Variants in ST3GAL1 observed in about 807,000 individuals in gnomAD.
The protein encoded by ST3GAL1 is CMP-N-acetylneuraminate-beta-galactosamide-alpha-2,3-sialyltransferase 1.
Under a neutral mutation model 34.1 loss-of-function variants are expected in ST3GAL1, and 16 were observed. The observed-to-expected ratio is 0.47, with a 90% CI of 0.32 to 0.71. The LOEUF is 0.71. Ranked by LOEUF, ST3GAL1 falls within the 30% of genes least tolerant of loss-of-function variation. The probability of loss-of-function intolerance (pLI) is 0.04; values close to 1 mark genes in which losing one functional copy is unlikely to be tolerated. For synonymous variants in ST3GAL1, 191 were observed against 184.7 expected, an observed-to-expected ratio of 1.03 and a Z score of -0.28; for missense variants, 353 against 447.4, an observed-to-expected ratio of 0.79 and a Z score of 1.90.
chr8:133,460,041 C>G (rs550187358), intron 9 of ST3GAL1, 104 bp from the exon 10 acceptor site: 1 of 1,274,750 alleles, frequency 7.8e-7, no homozygotes, highest in Non-Finnish European at 1.1e-6. Flanking sequence ...GGACCATAAA[C>G]AGCATTTCCA....
At chr8:133,569,776 G>A (rs906002782) in intron 1 of ST3GAL1, among the ~76,000 whole-genome samples, 1 of 152,102 alleles carries the variant, frequency 6.6e-6, no homozygotes, top group Non-Finnish European at 1.5e-5. Context: ...AGTTTCCACA[G>A]CAGCCGGCAG....
At chr8:133,532,015 C>T (rs1201515092) in intron 2 of ST3GAL1, among the ~76,000 whole-genome samples, 1 of 152,080 alleles carries the variant, frequency 6.6e-6, no homozygotes, top group Non-Finnish European at 1.5e-5. Flanking sequence ...TCCCCAGAGA[C>T]AAATGACATC....
intron 2 of ST3GAL1, among the ~76,000 whole-genome samples, chr8:133,530,265 C>CA (rs1554617719): frequency 1.1e-4 from 16 of 140,748 alleles, no homozygotes; most frequent in Non-Finnish European, 2.3e-4. Context: ...CTGAGGCCTT[C>CA]TTTTTTTTTT....
At chr8:133,533,876 T>C (rs1266906172) in intron 2 of ST3GAL1, among the ~76,000 whole-genome samples, 1 of 152,330 alleles carries the variant, frequency 6.6e-6, no homozygotes, top group South Asian at 2.1e-4. Flanking sequence ...ATAATGATGA[T>C]GATGACATAC....
chr8:133,548,937 GAGAATCCATC>G, intron 1 of ST3GAL1, among the ~76,000 whole-genome samples: 1 of 152,354 alleles, frequency 6.6e-6, no homozygotes, highest in South Asian at 2.1e-4. Flanking sequence ...ATCAATCTCA[GAGAATCCATC>G]AGGATGTGGC....
intron 1 of ST3GAL1, among the ~76,000 whole-genome samples, chr8:133,547,795 G>T (rs999655768): frequency 6.6e-6 from 1 of 152,196 alleles, no homozygotes; most frequent in African/African-American, 2.4e-5. Context: ...CGCTGGCAAT[G>T]GTGATACATG....
chr8:133,480,805 TTTCTGATAAC>T (rs1415428791), intron 3 of ST3GAL1, among the ~76,000 whole-genome samples: 5 of 152,348 alleles, frequency 3.3e-5, no homozygotes, highest in African/African-American at 9.6e-5. Flanking sequence ...CCCCATTCCC[TTTCTGATAAC>T]TTCTTTGGAC....
intron 5 of ST3GAL1, among the ~76,000 whole-genome samples, chr8:133,474,588 C>T (rs1396090015): frequency 1.3e-5 from 2 of 152,166 alleles, no homozygotes; most frequent in Middle Eastern, 3.2e-3. Flanking sequence ...TCTCAGGCCT[C>T]GTCTCACTGC....
intron 2 of ST3GAL1, among the ~76,000 whole-genome samples, chr8:133,517,336 CTTTTTTAT>C (rs1285834292): frequency 1.3e-5 from 2 of 152,124 alleles, no homozygotes; most frequent in Non-Finnish European, 2.9e-5. Context: ...CAGTCTTGCA[CTTTTTTAT>C]TTTTTTATTT....
chr8:133,524,855 G>A lies in ST3GAL1; in HGVS notation c.-429+20919C>T, dbSNP rs183669891. ...ATCTAGAAATGTTCTAGGAGAACAC[G>A]GTGGCACCCGGAAGCTTGGAGACAC... On this transcript the variant is annotated intron_variant, in intron 2 of 9. Transcript: ENST00000522652. 2.3e-3 allele frequency among the ~76,000 whole-genome samples: 358 copies of A among 152,362 alleles called. 4 individuals carry two copies. Among genetic ancestry groups the A allele is most frequent in the Non-Finnish European group, 1.5e-3 (100 of 68,044 alleles).
intron 2 of ST3GAL1, among the ~76,000 whole-genome samples, chr8:133,541,515 C>T (rs892898606): frequency 1.3e-5 from 2 of 151,640 alleles, no homozygotes; most frequent in Non-Finnish European, 2.9e-5. Context: ...CCACCACGTG[C>T]GTCTACACAC....
chr8:133,520,773 G>GTTT (rs34241731), intron 2 of ST3GAL1, among the ~76,000 whole-genome samples: 6 of 130,880 alleles, frequency 4.6e-5, no homozygotes, highest in Non-Finnish European at 6.4e-5. Context: ...TTTTTTGTGG[G>GTTT]TTTTTTTTTT....
chr8:133,544,928 A>T (rs1818636108), intron 2 of ST3GAL1, among the ~76,000 whole-genome samples: 1 of 152,224 alleles, frequency 6.6e-6, no homozygotes, highest in Admixed American at 6.5e-5. Context: ...CAGTGATGGC[A>T]ATCATGCCCA....
At chr8:133,540,722 T>C (rs1269639562) in intron 2 of ST3GAL1, among the ~76,000 whole-genome samples, 1 of 99,554 alleles carries the variant, frequency 1.0e-5, no homozygotes, top group South Asian at 4.0e-4. Context: ...CATATATATA[T>C]ATAGACATAT....
intron 2 of ST3GAL1, among the ~76,000 whole-genome samples, chr8:133,529,810 G>A (rs1818090744): frequency 6.6e-6 from 1 of 151,988 alleles, no homozygotes; most frequent in Non-Finnish European, 1.5e-5. Flanking sequence ...CCCATTTGAG[G>A]GCTGTCCCCC....
intron 7 of ST3GAL1, 69 bp from the exon 8 acceptor site, chr8:133,463,528 C>G: frequency 6.5e-7 from 1 of 1,543,630 alleles, no homozygotes. Context: ...GCATGCAGCT[C>G]TGGGGGTAGT....
chr8:133,473,810 T>C (rs944132789), intron 5 of ST3GAL1, among the ~76,000 whole-genome samples: 2 of 152,180 alleles, frequency 1.3e-5, no homozygotes, highest in Non-Finnish European at 1.5e-5. Context: ...CTGCTAAACA[T>C]CCTGCAATGC....
intron 2 of ST3GAL1, among the ~76,000 whole-genome samples, chr8:133,504,559 T>C (rs1347989375): frequency 6.6e-6 from 1 of 152,130 alleles, no homozygotes. Context: ...TCTGGTTTGG[T>C]TTTTTGAGTC....
intron 1 of ST3GAL1, among the ~76,000 whole-genome samples, chr8:133,562,821 CCTTCCTTCCTTCCTTCCTTCCTTT>C (rs1819275633): frequency 1.8e-5 from 2 of 109,806 alleles, no homozygotes; most frequent in African/African-American, 8.0e-5. Flanking sequence ...TTCCTTCCTT[CCTTCCTTCCTTCCTTCCTTCCTTT>C]CTTTCTTTTT....
Sources: gnomAD v4.1 joint callset for allele counts (sites outside exome capture counted in the v4.1 genomes callset) on GRCh38, gnomAD v4.1.1 for gene constraint, MANE v1.5 for transcripts, NCBI Gene and HGNC (gene_info 2026-07-23, HGNC 2026-07-21) for gene names.